Variants in SAXO1 observed in about 807,000 individuals in gnomAD.
The protein encoded by SAXO1 is stabilizer of axonemal microtubules 1.
Under a neutral mutation model 17.5 loss-of-function variants are expected in SAXO1, and 21 were observed. That is an observed-to-expected ratio of 1.20 (90% CI 0.85 to 1.72). The LOEUF (loss-of-function observed/expected upper bound fraction) is 1.72. Among genes scored for constraint, SAXO1 ranks in the 40% most tolerant of loss-of-function variants. SAXO1 has a pLI of 0.00. For synonymous variants in SAXO1, 274 were observed against 216.5 expected (o/e 1.27, Z -2.33); for missense variants, 843 against 596.0 (o/e 1.41, Z -4.32).
At chr9:19,027,469 G>T in intron 1 of SAXO1, 2 of 783,162 alleles carry the variant, frequency 2.6e-6, no homozygotes, top group Non-Finnish European at 4.6e-6. Context: ...GAACCACAAG[G>T]AGAAGTTTGA....
chr9:18,982,379 A>G (rs139494569), intron 1 of SAXO1, among the ~76,000 whole-genome samples: 183 of 152,276 alleles, frequency 1.2e-3, no homozygotes, highest in Non-Finnish European at 1.8e-3. Context: ...AAGGTGTCCG[A>G]GGGAGACCAA....
chr9:18,939,937 A>T (rs914167610), intron 3 of SAXO1, among the ~76,000 whole-genome samples: 6 of 152,224 alleles, frequency 3.9e-5, no homozygotes, highest in African/African-American at 1.4e-4. Flanking sequence ...AATGAGTAAA[A>T]GCTGACAAGA....
chr9:18,996,889 G>A (rs1297879312), intron 1 of SAXO1, among the ~76,000 whole-genome samples: 1 of 152,118 alleles, frequency 6.6e-6, no homozygotes, highest in Non-Finnish European at 1.5e-5. Flanking sequence ...AATTGGAAAG[G>A]AAGAGGTAAA....
intron 1 of SAXO1, among the ~76,000 whole-genome samples, chr9:19,029,473 T>C (rs1835660563): frequency 6.6e-6 from 1 of 152,186 alleles, no homozygotes; most frequent in African/African-American, 2.4e-5. Context: ...CTTTTTCCCA[T>C]GACCTCAGAC....
intron 1 of SAXO1, among the ~76,000 whole-genome samples, chr9:19,023,773 GAAGA>G (rs1835349736): frequency 1.6e-5 from 1 of 61,898 alleles, no homozygotes; most frequent in African/African-American, 9.3e-5. Context: ...CATTTCTGAA[GAAGA>G]AAGAAGGAAG....
chr9:18,956,520 T>A (rs1165378608), intron 1 of SAXO1, among the ~76,000 whole-genome samples: 5 of 152,080 alleles, frequency 3.3e-5, no homozygotes, highest in Non-Finnish European at 5.9e-5. Flanking sequence ...GTGAAGAGGG[T>A]TCTCCTTCAC....
chr9:19,027,256 G>T, intron 1 of SAXO1: 1 of 1,026,720 alleles, frequency 9.7e-7, no homozygotes, highest in Non-Finnish European at 1.5e-6. Flanking sequence ...CCTGTGATTG[G>T]ATTGGTGGAT....
At chr9:18,989,556 GCACA>G (rs56265752) in intron 1 of SAXO1, among the ~76,000 whole-genome samples, 127 of 149,034 alleles carry the variant, frequency 8.5e-4, no homozygotes, top group African/African-American at 2.8e-3. Context: ...TAGCCATTAT[GCACA>G]CACACACACA....
chr9:18,958,867 G>C (rs1347187825), intron 1 of SAXO1, among the ~76,000 whole-genome samples: 1 of 27,856 alleles, frequency 3.6e-5, no homozygotes, highest in Non-Finnish European at 2.3e-4. Flanking sequence ...TGCTCGAAGA[G>C]AAGAGGAAGG....
chr9:18,950,978 G>A, intron 1 of SAXO1, 41 bp from the exon 2 acceptor site: 12 of 1,568,904 alleles, frequency 7.6e-6, no homozygotes, highest in Non-Finnish European at 1.0e-5. Context: ...CTTCTTGGGA[G>A]AAAAAAACCC....
At chr9:18,951,474 G>A (rs78823685) in intron 1 of SAXO1, among the ~76,000 whole-genome samples, 2,575 of 152,268 alleles carry the variant, frequency 0.017, 76 homozygotes, top group African/African-American at 0.059. Context: ...GAGTCCACCA[G>A]ACACCACTGA....
chr9:19,025,473 C>G (rs907372801), intron 1 of SAXO1, among the ~76,000 whole-genome samples: 1 of 152,056 alleles, frequency 6.6e-6, no homozygotes. Context: ...ATTAAAATAA[C>G]AAGTTCCTCC....
chr9:18,954,919 T>TAAAA (rs10630997), intron 1 of SAXO1, among the ~76,000 whole-genome samples: 2 of 147,084 alleles, frequency 1.4e-5, no homozygotes, highest in Non-Finnish European at 3.0e-5. Flanking sequence ...AAAAAAAAGT[T>TAAAA]AAAAAAAAAA....
At chr9:18,987,834 C>A (rs997221507) in intron 1 of SAXO1, among the ~76,000 whole-genome samples, 1 of 150,928 alleles carries the variant, frequency 6.6e-6, no homozygotes. Flanking sequence ...GAGGTTAAGG[C>A]TGCAGTGAGC....
intron 2 of SAXO1, among the ~76,000 whole-genome samples, chr9:18,945,129 G>C (rs1831733324): frequency 6.6e-6 from 1 of 152,174 alleles, no homozygotes; most frequent in South Asian, 2.1e-4. Flanking sequence ...TCCTCACTGA[G>C]CTCCATTCTC....
chr9:19,012,115 A>T (rs558264486), intron 1 of SAXO1, among the ~76,000 whole-genome samples: 43 of 152,248 alleles, frequency 2.8e-4, no homozygotes, highest in Middle Eastern at 3.4e-3. Flanking sequence ...AAGTGCTGGA[A>T]TTACAGGCGT....
intron 1 of SAXO1, among the ~76,000 whole-genome samples, chr9:19,030,664 C>G (rs1835721250): frequency 6.6e-6 from 1 of 151,134 alleles, no homozygotes; most frequent in African/African-American, 2.4e-5. Flanking sequence ...AGAGATCGCG[C>G]CACTGCACGA....
At chr9:19,046,204 A>G (rs1253862614) in intron 1 of SAXO1, among the ~76,000 whole-genome samples, 1 of 152,070 alleles carries the variant, frequency 6.6e-6, no homozygotes, top group Non-Finnish European at 1.5e-5. Context: ...CCTCAGAGAG[A>G]TAAAAGAATA....
At chr9:18,955,521 A>G (rs918404092) in intron 1 of SAXO1, among the ~76,000 whole-genome samples, 5 of 152,228 alleles carry the variant, frequency 3.3e-5, no homozygotes, top group Admixed American at 6.5e-5. Context: ...AGTTTACTCT[A>G]AAAGTGTAGG....
Sources: gnomAD v4.1 joint callset for allele counts (sites outside exome capture counted in the v4.1 genomes callset) on GRCh38, gnomAD v4.1.1 for gene constraint, MANE v1.5 for transcripts, NCBI Gene and HGNC (gene_info 2026-07-23, HGNC 2026-07-21) for gene names.